The following ACOX3 variants were observed in gnomAD, a reference collection of about 807,000 sequenced individuals.
ACOX3 encodes the protein peroxisomal acyl-coenzyme A oxidase 3.
Under a neutral mutation model 81.5 loss-of-function variants are expected in ACOX3, and 73 were observed. That is an observed-to-expected ratio of 0.90 (90% CI 0.74 to 1.09). ACOX3 has a LOEUF of 1.09. ACOX3 is among the 50% of genes least tolerant of loss of function. ACOX3 has a pLI of 0.00. For missense variants in ACOX3, 947 were observed against 928.0 expected (o/e 1.02, Z -0.27); for synonymous variants, 387 against 375.1 (o/e 1.03, Z -0.37).
downstream of ACOX3, among the ~76,000 whole-genome samples, chr4:8,365,930 T>C (rs1715394811): frequency 6.6e-6 from 1 of 152,196 alleles, no homozygotes; most frequent in Non-Finnish European, 1.5e-5. Context: ...TCCTGAGACA[T>C]GCTGGGTTAC....
rs1229690741 is a variant in ACOX3 at position 8,410,285 on chromosome 4, G to A, written c.614C>T (p.Thr205Ile). 17 of 1,614,052 alleles carry A rather than the reference G, an allele frequency of 1.1e-5. No homozygotes were observed. Among genetic ancestry groups the A allele is most frequent in the Non-Finnish European group, 1.4e-5 (16 of 1,180,006 alleles). ...CAGCTTAGCAAACACCACCGCGTGA[G>A]TGGCTGTCTTGCCCATGTTGCCAAC... The part of the protein sequence containing the change: ...FWVGNMGKTA[T>I]HAVVFAKLCV... The change falls in exon 6 of 18, where the codon ACT becomes ATT. Residue 205 changes from threonine (T) to isoleucine (I), a missense_variant. Physicochemically the swap from Thr to Ile is moderately conservative, Grantham distance 89. Transcript: ENST00000356406.
chr4:8,424,088 C>T (rs1461602612), intron 1 of ACOX3, among the ~76,000 whole-genome samples: 1 of 152,218 alleles, frequency 6.6e-6, no homozygotes, highest in Non-Finnish European at 1.5e-5. Context: ...TCCAGACACA[C>T]CAGGGCCCTC....
At chr4:8,425,245 G>C (rs886309426) in intron 1 of ACOX3, among the ~76,000 whole-genome samples, 4 of 152,136 alleles carry the variant, frequency 2.6e-5, no homozygotes, top group South Asian at 2.1e-4. Context: ...AGCCAAAAGA[G>C]CCGCAAGGTG....
In ACOX3 at chr4:8,393,631, ACACACG is replaced by A. The variant is rs759976110; in HGVS notation, c.1179+983_1179+988del. Among the ~76,000 whole-genome samples the A allele has an allele frequency of 3.9e-4, 25 of 64,418 alleles. 1 individual carries two copies. In the South Asian group the frequency reaches 0.012, roughly 31 times the overall value. 42.3% of individuals were successfully genotyped at this position (64,418 alleles called of 152,430 possible). On this transcript the variant is annotated intron_variant, in intron 10 of 17. Transcript: ENST00000356406. Reference sequence around the variant, plus strand: ...CACACACACGCACACACACACACACACACACGCACACACACACACACACACACACGC... The same window carrying A: ...CACACACACGCACACACACACACACACACACACACACACACACACACACGC...
At chr4:8,376,139 A>T (rs1244155491) in intron 14 of ACOX3, among the ~76,000 whole-genome samples, 1 of 152,128 alleles carries the variant, frequency 6.6e-6, no homozygotes, top group African/African-American at 2.4e-5. Flanking sequence ...CCAACCGTGT[A>T]TCTGTGTCAC....
At chr4:8,392,135 T>C (rs895023920) in intron 11 of ACOX3, among the ~76,000 whole-genome samples, 198 bp downstream of exon 11, 4 of 152,256 alleles carry the variant, frequency 2.6e-5, no homozygotes, top group African/African-American at 9.6e-5. Context: ...TACTCATCTC[T>C]GCCCTTGCAG....
At chr4:8,365,838 T>C (rs997069405), downstream of ACOX3, among the ~76,000 whole-genome samples, 3 of 152,154 alleles carry the variant, frequency 2.0e-5, no homozygotes, top group African/African-American at 7.2e-5. Flanking sequence ...TTAAAAACAT[T>C]CTGGACCATG....
At position 8,370,825 on chromosome 4, in the gene ACOX3, C is replaced by T; in HGVS notation, c.1983+83G>A. 7.5e-7 allele frequency: 1 copy of T among 1,340,314 alleles called. No homozygotes were observed. Among genetic ancestry groups the T allele is most frequent in the Middle Eastern group, 1.9e-4 (1 of 5,190 alleles). 83.0% of individuals were successfully genotyped at this position (1,340,314 alleles called of 1,614,324 possible). Reference sequence around the variant, plus strand: ...ACCACTTTCCAGAAGACACCAGACCCCTGACCCACAGGAGCATCTCAGCTC... The same window carrying T: ...ACCACTTTCCAGAAGACACCAGACCTCTGACCCACAGGAGCATCTCAGCTC... On this transcript the variant is annotated intron_variant, in intron 17 of 17. Transcript: ENST00000356406. This position sits in a 1 kb window ranked among gnomAD's most constrained non-coding sequence, Gnocchi z 6.3.
rs897278370 is a variant in ACOX3 at position 8,423,029 on chromosome 4, C to A, written c.-14-6494G>T. Among the ~76,000 whole-genome samples, 1 of 152,176 alleles carries A rather than the reference C, an allele frequency of 6.6e-6. No individual in the cohort carries two copies. Among genetic ancestry groups the A allele is most frequent in the Non-Finnish European group, 1.5e-5 (1 of 68,032 alleles). ...TGCCCGGGGCAAGCGCCAGCCCATG[C>A]CCCAGGTATGCTTGACCATTGGGGG... On this transcript the variant is annotated intron_variant, in intron 1 of 17. Coordinates refer to ENST00000356406, the MANE Select transcript of ACOX3 (RefSeq NM_003501.3). This position sits in a 1 kb window ranked among gnomAD's most constrained non-coding sequence, Gnocchi z 4.2.
rs111687597 is a variant in ACOX3 at position 8,425,523 on chromosome 4, A to C, written c.-14-8988T>G. Among the ~76,000 whole-genome samples the C allele has an allele frequency of 4.0e-5, 6 of 151,486 alleles. 1 individual carries two copies. Among genetic ancestry groups the C allele is most frequent in the African/African-American group, 1.5e-4 (6 of 41,246 alleles). ...CCAAATCATTATTAACTGGATCAGG[A>C]CTTTTCAAAACTATCAAGCAGATAG... On this transcript the variant is annotated intron_variant, in intron 1 of 17. Transcript: ENST00000356406.
intron 16 of ACOX3, among the ~76,000 whole-genome samples, chr4:8,372,834 C>A (rs1160078866): frequency 6.6e-6 from 1 of 152,228 alleles, no homozygotes; most frequent in African/African-American, 2.4e-5. Flanking sequence ...AGTGGAATGA[C>A]GTCTCCACGG....
chr4:8,386,116 T>A lies in ACOX3; in HGVS notation c.1537+3057A>T, dbSNP rs980526042. On this transcript the variant is annotated intron_variant, in intron 13 of 17. Coordinates refer to ENST00000356406, the MANE Select transcript of ACOX3 (RefSeq NM_003501.3). This position sits in a 1 kb window ranked among gnomAD's most constrained non-coding sequence, Gnocchi z 5.2. ...GGGAAGGGGAGGGAAGAGCAGAGCGTGATGGGCACATGGAGAAGCTGGCTG... is the reference window on the plus strand; with the variant it reads ...GGGAAGGGGAGGGAAGAGCAGAGCGAGATGGGCACATGGAGAAGCTGGCTG... Among the ~76,000 whole-genome samples the A allele has an allele frequency of 6.6e-6, 1 of 152,146 alleles. No individual in the cohort carries two copies. Among genetic ancestry groups the A allele is most frequent in the African/African-American group, 2.4e-5 (1 of 41,434 alleles).
In ACOX3 at chr4:8,370,987, T is replaced by C. The variant is rs1169327289; in HGVS notation, c.1904A>G (p.Asp635Gly). 5 of 1,614,044 alleles carry C rather than the reference T, an allele frequency of 3.1e-6. No individual in the cohort carries two copies. Among genetic ancestry groups the C allele is most frequent in the Non-Finnish European group, 4.2e-6 (5 of 1,180,000 alleles). ...AVLALCSQLK[D>G]DAVALVDVIA... ...CACGTCTACCAGGGCAACTGCATCGTCTTTCAGCTGTTGGAAAACAAAGCC... is the reference window on the plus strand; with the variant it reads ...CACGTCTACCAGGGCAACTGCATCGCCTTTCAGCTGTTGGAAAACAAAGCC... Residue 635 changes from aspartate (D) to glycine (G), a missense_variant, in exon 17 of 18, where the codon GAC (aspartate) becomes GGC (glycine). By Grantham distance (94) the Asp-to-Gly change is moderately conservative. Transcript: ENST00000356406. The surrounding 1 kb of genome is among the most constrained non-coding windows in gnomAD (Gnocchi z 6.3).
intron 6 of ACOX3, among the ~76,000 whole-genome samples, chr4:8,408,724 G>C (rs1721308967): frequency 6.6e-6 from 1 of 152,180 alleles, no homozygotes; most frequent in African/African-American, 2.4e-5. Flanking sequence ...ACTCTCTGCA[G>C]TGGTGACAGT....
At chr4:8,374,798 G>T in intron 15 of ACOX3, 180 bp downstream of exon 15, 1 of 627,612 alleles carries the variant, frequency 1.6e-6, no homozygotes, top group Non-Finnish European at 2.4e-6. Flanking sequence ...CCACCCTGAC[G>T]CTGCTCTGCC....
At position 8,407,202 on chromosome 4, in the gene ACOX3, T is replaced by G. The variant is rs1419362976; in HGVS notation, c.688-1159A>C. ...CTCCTATCTCTGTATGGCCTGGTTT[T>G]TCCTAGGTTATGATTATAGAGCGAG... On this transcript the variant is annotated intron_variant, in intron 6 of 17. Transcript: ENST00000356406. This position sits in a 1 kb window ranked among gnomAD's most constrained non-coding sequence, Gnocchi z 4.6. 6.6e-6 allele frequency among the ~76,000 whole-genome samples: 1 copy of G among 152,254 alleles called. No homozygotes were observed. The highest frequency in any genetic ancestry group is 1.9e-4 in the East Asian group (1 of 5,198).
the ACOX3 span, among the ~76,000 whole-genome samples, chr4:8,360,628 C>A: frequency 6.6e-6 from 1 of 152,046 alleles, no homozygotes; most frequent in Non-Finnish European, 1.5e-5. Flanking sequence ...CCCGCCACCA[C>A]GCCTGGCTAA....
In ACOX3 at chr4:8,430,220, T is replaced by C. The variant is rs2109040993; in HGVS notation, c.-15+10428A>G. 6.6e-6 allele frequency among the ~76,000 whole-genome samples: 1 copy of C among 152,344 alleles called. No homozygotes were observed. Among genetic ancestry groups the C allele is most frequent in the African/African-American group, 2.4e-5 (1 of 41,584 alleles). ...TATGGGTATCAGTGGGAGCGTCCGATTGCAAAAGCAGAAGGAAGGGACTGA... is the reference window on the plus strand; with the variant it reads ...TATGGGTATCAGTGGGAGCGTCCGACTGCAAAAGCAGAAGGAAGGGACTGA... On this transcript the variant is annotated intron_variant, in intron 1 of 17. Transcript: ENST00000356406. This position sits in a 1 kb window ranked among gnomAD's most constrained non-coding sequence, Gnocchi z 5.2.
intron 15 of ACOX3, 26 bp downstream of exon 15, chr4:8,374,952 A>G: frequency 6.8e-7 from 1 of 1,480,022 alleles, no homozygotes; most frequent in East Asian, 2.5e-5. Flanking sequence ...TGGGGAGGAC[A>G]GCAAGCCCGC....
Sources: allele counts gnomAD v4.1 joint callset (sites outside exome capture counted in the v4.1 genomes callset), GRCh38; gene constraint gnomAD v4.1.1; non-coding constraint Gnocchi (gnomAD v3.1); transcripts MANE v1.5; gene names NCBI Gene and HGNC (gene_info 2026-07-23, HGNC 2026-07-21).